FNBP1: variants seen among roughly 807,000 people sequenced by gnomAD.
FNBP1 encodes formin binding protein 1, also known as formin-binding protein 1.
A neutral mutation model predicts 90.6 loss-of-function variants in FNBP1; 26 were observed. The ratio of observed to expected loss-of-function variants is 0.29; its 90% CI spans 0.21 to 0.40. The LOEUF (loss-of-function observed/expected upper bound fraction) is 0.40, where lower values mean the gene tolerates loss of function less well. FNBP1 is among the 10% of genes least tolerant of loss of function. The probability of loss-of-function intolerance (pLI) is 1.00; values close to 1 mark genes in which losing one functional copy is unlikely to be tolerated. For synonymous variants in FNBP1, 260 were observed against 265.2 expected (o/e 0.98, Z 0.19); for missense variants, 635 against 768.0 (o/e 0.83, Z 2.05).
intron 6 of FNBP1, among the ~76,000 whole-genome samples, chr9:129,939,725 G>A (rs1466500227): frequency 6.6e-6 from 1 of 152,064 alleles, no homozygotes; most frequent in Non-Finnish European, 1.5e-5. Context: ...CCTCACTGGG[G>A]GGATACTTCT....
chr9:130,048,314 C>CAAAAAAAAAAAAAAAA, the FNBP1 span, among the ~76,000 whole-genome samples: 21 of 50,720 alleles, frequency 4.1e-4, 3 homozygotes, highest in Non-Finnish European at 6.1e-4. Context: ...GACTCCATCT[C>CAAAAAAAAAAAAAAAA]AAAAAAAAAA....
In FNBP1 at chr9:129,915,951, A is replaced by T. The variant is rs781749332; in HGVS notation, c.1185+15T>A. Reference sequence around the variant, plus strand: ...CTGATTAGACTCAGGACATGCATGGAACAATTGTGCTTACCAGCTTGAGAG... The same window carrying T: ...CTGATTAGACTCAGGACATGCATGGTACAATTGTGCTTACCAGCTTGAGAG... On this transcript the variant is annotated intron_variant, in intron 11 of 16. Coordinates refer to ENST00000446176, the MANE Select transcript of FNBP1 (RefSeq NM_015033.3). 6 of 1,604,720 alleles carry T rather than the reference A, an allele frequency of 3.7e-6. No individual in the cohort carries two copies. Among genetic ancestry groups the T allele is most frequent in the Admixed American group, 3.3e-5 (2 of 59,936 alleles).
chr9:130,004,284 A>G (rs958243653), intron 1 of FNBP1, among the ~76,000 whole-genome samples: 1 of 152,034 alleles, frequency 6.6e-6, no homozygotes, highest in Non-Finnish European at 1.5e-5. Flanking sequence ...AAAGTGTACT[A>G]AACCAACATT....
At chr9:129,897,965 G>T (rs140463599) in intron 15 of FNBP1, among the ~76,000 whole-genome samples, 10,832 of 152,044 alleles carry the variant, frequency 0.071, 474 homozygotes, top group Middle Eastern at 0.14. Flanking sequence ...GAGTAGCTGG[G>T]ATTACAGGCG....
chr9:130,011,875 A>G (rs1365914957), intron 1 of FNBP1, among the ~76,000 whole-genome samples: 1 of 152,208 alleles, frequency 6.6e-6, no homozygotes, highest in East Asian at 1.9e-4. Flanking sequence ...CAGTTCAATT[A>G]AAACCCCAAC....
chr9:129,917,578 A>G (rs1234028432), intron 10 of FNBP1, among the ~76,000 whole-genome samples: 1 of 150,856 alleles, frequency 6.6e-6, no homozygotes, highest in African/African-American at 2.4e-5. Flanking sequence ...CAAATGATCC[A>G]CCCACCCCAG....
At chr9:129,907,877 C>T (rs557386351) in intron 12 of FNBP1, among the ~76,000 whole-genome samples, 89 of 152,050 alleles carry the variant, frequency 5.9e-4, no homozygotes, top group Middle Eastern at 3.4e-3. Flanking sequence ...TATAGGCGCC[C>T]GCCACCATGC....
intron 2 of FNBP1, among the ~76,000 whole-genome samples, chr9:129,987,218 C>A (rs1186819794): frequency 1.3e-5 from 2 of 151,970 alleles, no homozygotes; most frequent in South Asian, 4.1e-4. Flanking sequence ...CAAGAAAGAA[C>A]GCAGGGAACA....
intron 1 of FNBP1, among the ~76,000 whole-genome samples, chr9:130,030,060 G>A (rs898518256): frequency 6.6e-6 from 1 of 152,104 alleles, no homozygotes; most frequent in East Asian, 1.9e-4. Context: ...AAAGTGATGA[G>A]ATAATAAATA....
In FNBP1 at chr9:129,915,913, C is replaced by A. The variant is rs1054617344; in HGVS notation, c.1185+53G>T. On this transcript the variant is annotated intron_variant, in intron 11 of 16. Transcript: ENST00000446176. Reference sequence around the variant, plus strand: ...TGCATGGCATAGCATTCATAAAAGACACGCCAGAAAACCTGATTAGACTCA... The same window carrying A: ...TGCATGGCATAGCATTCATAAAAGAAACGCCAGAAAACCTGATTAGACTCA... The A allele has an allele frequency of 1.0e-5, 14 of 1,370,474 alleles. No homozygotes were observed. In the Admixed American group the frequency reaches 2.1e-4, roughly 21 times the overall value. The allele number at this position is 1,370,474 out of a possible 1,614,324, so 84.9% of individuals were successfully genotyped here. A position where few individuals can be genotyped will look rare whatever the true frequency, so the allele number is the denominator to read the frequency against.
In FNBP1 at chr9:129,903,003, T is replaced by G; in HGVS notation, c.1296-2A>C. On this transcript the variant is annotated splice_acceptor_variant, in intron 12 of 16. Transcript: ENST00000446176. LOFTEE classifies it high-confidence loss of function. Reference sequence around the variant, plus strand: ...TCTTTCATTTTTGTTATGGCATCTCTGAAAGAAAGAACGAGTAGAATGCTG... The same window carrying G: ...TCTTTCATTTTTGTTATGGCATCTCGGAAAGAAAGAACGAGTAGAATGCTG... The G allele has an allele frequency of 6.4e-7, 1 of 1,569,040 alleles. No individual in the cohort carries two copies. Among genetic ancestry groups the G allele is most frequent in the Non-Finnish European group, 8.7e-7 (1 of 1,155,616 alleles).
intron 11 of FNBP1, among the ~76,000 whole-genome samples, chr9:129,911,568 G>A (rs2039281549): frequency 6.6e-6 from 1 of 152,160 alleles, no homozygotes; most frequent in Non-Finnish European, 1.5e-5. Flanking sequence ...GATGCTCTGT[G>A]CCCCCTCCCC....
rs560903382 is a variant in FNBP1 at position 129,971,182 on chromosome 9, C to T, written c.345+7283G>A. The stretch of plus-strand genomic sequence containing the variant: ...CTGGGATTACAGGTGTGAGCCACCG[C>T]GCCTGGCCGTGAATCTGCATTTTTT... On this transcript the variant is annotated intron_variant, in intron 4 of 16. Transcript: ENST00000446176. Among the ~76,000 whole-genome samples the T allele has an allele frequency of 1.8e-3, 266 of 151,914 alleles. 2 individuals carry two copies. The highest frequency in any genetic ancestry group is 6.8e-3 in the Middle Eastern group (2 of 294).
intron 4 of FNBP1, among the ~76,000 whole-genome samples, chr9:129,976,485 T>C (rs1041381775): frequency 6.6e-6 from 1 of 152,240 alleles, no homozygotes; most frequent in Non-Finnish European, 1.5e-5. Context: ...AAGGCATTTA[T>C]CTCTTCCTAA....
intron 6 of FNBP1, among the ~76,000 whole-genome samples, chr9:129,933,361 C>T (rs2043026789): frequency 6.6e-6 from 1 of 152,118 alleles, no homozygotes; most frequent in Non-Finnish European, 1.5e-5. Context: ...CCAGAGGTAC[C>T]CCACCCAGCA....
chr9:129,923,742 T>C (rs2041468782), intron 10 of FNBP1, 102 bp downstream of exon 10: 2 of 1,264,848 alleles, frequency 1.6e-6, no homozygotes, highest in Non-Finnish European at 2.1e-6. Flanking sequence ...TTATATGTTA[T>C]GGGAAAACAC....
At chr9:129,919,203 T>A in intron 10 of FNBP1, 1 of 1,303,652 alleles carries the variant, frequency 7.7e-7, no homozygotes, top group South Asian at 1.2e-5. Flanking sequence ...TTCCCTATCG[T>A]CCTCTTCATG....
chr9:129,998,697 T>G (rs2054383225), intron 1 of FNBP1, among the ~76,000 whole-genome samples: 2 of 152,142 alleles, frequency 1.3e-5, no homozygotes, highest in South Asian at 4.1e-4. Context: ...CACTTTGCAT[T>G]CAAACTGATG....
chr9:130,035,609 C>G (rs545001271), intron 1 of FNBP1, among the ~76,000 whole-genome samples: 6 of 152,288 alleles, frequency 3.9e-5, no homozygotes, highest in African/African-American at 1.2e-4. Context: ...GCATAGTAGG[C>G]ACTCAATAAA....
Sources: gnomAD v4.1 joint callset for allele counts (sites outside exome capture counted in the v4.1 genomes callset) on GRCh38, gnomAD v4.1.1 for gene constraint, MANE v1.5 for transcripts, NCBI Gene and HGNC (gene_info 2026-07-23, HGNC 2026-07-21) for gene names.